Variants in NTRK3 observed in about 807,000 individuals in gnomAD.
NTRK3 encodes the protein NT-3 growth factor receptor.
Under a neutral mutation model 91.7 loss-of-function variants are expected in NTRK3, and 24 were observed. The observed-to-expected ratio is 0.26, with a 90% confidence interval of 0.19 to 0.37. NTRK3 has a LOEUF of 0.37. Ranked by LOEUF, NTRK3 falls within the 10% of genes least tolerant of loss-of-function variation. The pLI is 1.00. For synonymous variants in NTRK3, 483 were observed against 404.0 expected, an observed-to-expected ratio of 1.20 and a Z score of -2.34; for missense variants, 880 against 1,068.9, an observed-to-expected ratio of 0.82 and a Z score of 2.46.
chr15:88,133,783 T>C (rs1567490893), intron 10 of NTRK3, among the ~76,000 whole-genome samples: 1 of 152,162 alleles, frequency 6.6e-6, no homozygotes, highest in Non-Finnish European at 1.5e-5. Flanking sequence ...ATTCTGGGGA[T>C]GATGGAAGTT....
chr15:87,931,074 T>G (rs1390318850), intron 16 of NTRK3: 1 of 362,124 alleles, frequency 2.8e-6, no homozygotes, highest in Non-Finnish European at 5.4e-6. Context: ...CTTTTCTTCT[T>G]ACTTTCTGCT....
chr15:87,912,663 T>A (rs2141753528), intron 17 of NTRK3, among the ~76,000 whole-genome samples: 2 of 152,138 alleles, frequency 1.3e-5, no homozygotes, highest in South Asian at 4.2e-4. Context: ...TGTATTCACC[T>A]GTCAAATAAG....
At chr15:88,185,183 T>C (rs1021214206) in intron 3 of NTRK3, among the ~76,000 whole-genome samples, 3 of 152,232 alleles carry the variant, frequency 2.0e-5, no homozygotes, top group Non-Finnish European at 2.9e-5. Flanking sequence ...GCAAGCACAC[T>C]ACATCTATTA....
Position 88,057,665 on chromosome 15 carries a change from A to G in NTRK3, c.1397-24620T>C, listed in dbSNP as rs141165040. ...ACAACCTCAGGGGAGCATCAGGGAA[A>G]TATGATCAGTGCCTTCCAGTGCCCT... On this transcript the variant is annotated intron_variant, in intron 13 of 18. Transcript: ENST00000394480. Among the ~76,000 whole-genome samples the G allele has an allele frequency of 9.1e-4, 139 of 152,308 alleles. 1 individual carries two copies. The highest frequency in any genetic ancestry group is 6.8e-3 in the Middle Eastern group (2 of 294).
intron 5 of NTRK3, among the ~76,000 whole-genome samples, chr15:88,152,675 C>T (rs911112043): frequency 1.3e-5 from 2 of 152,216 alleles, no homozygotes; most frequent in African/African-American, 2.4e-5. Flanking sequence ...CACCTGTTCT[C>T]GGCCCCTCAT....
intron 6 of NTRK3, among the ~76,000 whole-genome samples, chr15:88,140,178 C>A (rs1047991369): frequency 3.3e-5 from 5 of 152,012 alleles, no homozygotes; most frequent in African/African-American, 1.2e-4. Flanking sequence ...ACAATGTGAA[C>A]AAAGAGGTCT....
intron 3 of NTRK3, among the ~76,000 whole-genome samples, chr15:88,185,678 C>G (rs904225020): frequency 3.3e-5 from 5 of 152,096 alleles, no homozygotes; most frequent in African/African-American, 1.2e-4. Flanking sequence ...CATCCTGGGA[C>G]AGAACTAACC....
rs75706983 is a variant in NTRK3, at chr15:88,125,462, G to T, written c.1396+809C>A. 2.9e-3 allele frequency among the ~76,000 whole-genome samples: 445 copies of T among 152,078 alleles called. 9 individuals are homozygous for T. The highest frequency in any genetic ancestry group is 0.024 in the Admixed American group (365 of 15,258). ...GCAAACTGATAACTTATCAAACCTCGTATCATGCCTCCCTACCCACCCCCA... is the reference window on the plus strand; with the variant it reads ...GCAAACTGATAACTTATCAAACCTCTTATCATGCCTCCCTACCCACCCCCA... On this transcript the variant is annotated intron_variant, in intron 13 of 18. Transcript: ENST00000394480.
At chr15:88,171,997 T>C (rs1597743372) in intron 5 of NTRK3, among the ~76,000 whole-genome samples, 1 of 152,326 alleles carries the variant, frequency 6.6e-6, no homozygotes, top group Middle Eastern at 3.4e-3. Context: ...AAGGTGCATC[T>C]TGGGAGACCC....
Position 87,877,944 on chromosome 15 carries a change from A to G in NTRK3, c.2293-824T>C, listed in dbSNP as rs80073541. Among the ~76,000 whole-genome samples the G allele has an allele frequency of 7.2e-3, 1,099 of 152,296 alleles. 16 individuals carry two copies. Among genetic ancestry groups the G allele is most frequent in the Middle Eastern group, 0.024 (7 of 294 alleles). On this transcript the variant is annotated intron_variant, in intron 18 of 18. Coordinates refer to ENST00000394480, the Ensembl canonical transcript of NTRK3. ...AGGAGAAGCCATAAGGAGGAGTAGG[A>G]AGAAAACAAGTAATGCATGCCTGGC...
At chr15:88,090,412 G>GAGGAAGGA (rs1159872001) in intron 13 of NTRK3, among the ~76,000 whole-genome samples, 1 of 152,102 alleles carries the variant, frequency 6.6e-6, no homozygotes, top group African/African-American at 2.4e-5. Flanking sequence ...TGAAGGAAGG[G>GAGGAAGGA]AGGAAGGGAG....
At chr15:88,229,751 C>T (rs1178131286) in intron 3 of NTRK3, among the ~76,000 whole-genome samples, 2 of 152,216 alleles carry the variant, frequency 1.3e-5, no homozygotes, top group African/African-American at 4.8e-5. Context: ...ACCTTCCATC[C>T]ACATGAGATA....
At chr15:88,065,976 C>T (rs934756553) in intron 13 of NTRK3, among the ~76,000 whole-genome samples, 6 of 152,164 alleles carry the variant, frequency 3.9e-5, no homozygotes, top group Non-Finnish European at 7.3e-5. Context: ...CAGGGCTAAG[C>T]CCTGAAAAGC....
intron 13 of NTRK3, among the ~76,000 whole-genome samples, chr15:88,068,333 G>A (rs1456059367): frequency 1.3e-5 from 2 of 152,162 alleles, no homozygotes; most frequent in African/African-American, 2.4e-5. Context: ...TCAGGAGGCT[G>A]AGGAAGAGAA....
intron 14 of NTRK3, among the ~76,000 whole-genome samples, chr15:88,002,100 C>CAG (rs1351721528): frequency 6.7e-6 from 1 of 150,262 alleles, no homozygotes; most frequent in Non-Finnish European, 1.5e-5. Flanking sequence ...GAATTATTCC[C>CAG]AGAGAAGGAT....
chr15:88,082,019 T>C (rs551413548), intron 13 of NTRK3, among the ~76,000 whole-genome samples: 4 of 152,200 alleles, frequency 2.6e-5, no homozygotes, highest in African/African-American at 9.6e-5. Context: ...TCTAAAAGGT[T>C]CACCTCCAGC....
At chr15:88,141,982 T>A (rs1490673592) in intron 6 of NTRK3, among the ~76,000 whole-genome samples, 2 of 152,210 alleles carry the variant, frequency 1.3e-5, no homozygotes, top group Admixed American at 1.3e-4. Context: ...ATTCCCCCCA[T>A]CCTTCTGGAC....
At chr15:87,933,254 A>G (rs2141959617) in intron 15 of NTRK3, 70 bp from the exon 16 acceptor site, 1 of 1,501,272 alleles carries the variant, frequency 6.7e-7, no homozygotes, top group Non-Finnish European at 9.2e-7. Context: ...ACTCCTGGAA[A>G]GAAACTGGCC....
At chr15:87,978,066 A>G (rs2073880070) in intron 14 of NTRK3, 1 of 232,094 alleles carries the variant, frequency 4.3e-6, no homozygotes, top group Non-Finnish European at 8.5e-6. Context: ...TGGAGGCCCC[A>G]TGGGCCAGTG....
Sources: gnomAD v4.1 joint callset for allele counts (sites outside exome capture counted in the v4.1 genomes callset) on GRCh38, gnomAD v4.1.1 for gene constraint, MANE v1.5 for transcripts, NCBI Gene and HGNC (gene_info 2026-07-23, HGNC 2026-07-21) for gene names.